The following TBX15 variants were observed in gnomAD, a reference collection of about 807,000 sequenced individuals.
The protein encoded by TBX15 is T-box transcription factor 15, also known as T-box transcription factor TBX15.
TBX15 carries 18 observed loss-of-function variants against 53.9 expected under a neutral mutation model. The ratio of observed to expected loss-of-function variants is 0.33; its 90% CI spans 0.23 to 0.49. The LOEUF (loss-of-function observed/expected upper bound fraction) is 0.49, where lower values mean the gene tolerates loss of function less well. Ranked by LOEUF, TBX15 falls within the 20% of genes least tolerant of loss-of-function variation. The pLI is 0.98. For synonymous variants in TBX15, 295 were observed against 278.0 expected (o/e 1.06, Z -0.61); for missense variants, 692 against 749.5 (o/e 0.92, Z 0.90).
At chr1:118,956,152 C>A (rs1009460929) in intron 1 of TBX15, among the ~76,000 whole-genome samples, 7 of 152,168 alleles carry the variant, frequency 4.6e-5, no homozygotes, top group African/African-American at 1.4e-4. Context: ...TGATCTTGGA[C>A]TTCCCAGCCT....
At position 118,963,593 on chromosome 1, in the gene TBX15, G is replaced by T. The variant is rs146459089; in HGVS notation, c.205+23998C>A. 1.5e-3 allele frequency among the ~76,000 whole-genome samples: 230 copies of T among 152,336 alleles called. 1 individual carries two copies. The highest frequency in any genetic ancestry group is 5.2e-3 in the African/African-American group (218 of 41,568). Reference sequence around the variant, plus strand: ...TTCCCTAGCCATGGCAATATTGGAAGCCATGTGTTGAGATGGTGGAACTAT... The same window carrying T: ...TTCCCTAGCCATGGCAATATTGGAATCCATGTGTTGAGATGGTGGAACTAT... On this transcript the variant is annotated intron_variant, in intron 1 of 7. Coordinates refer to ENST00000369429, the MANE Select transcript of TBX15 (RefSeq NM_001330677.2).
intron 1 of TBX15, among the ~76,000 whole-genome samples, chr1:118,967,198 GA>G (rs1364083839): frequency 2.6e-5 from 4 of 152,110 alleles, no homozygotes; most frequent in Non-Finnish European, 5.9e-5. Context: ...TACCACAAGA[GA>G]AAAAGAAAAG....
intron 1 of TBX15, among the ~76,000 whole-genome samples, chr1:118,937,177 G>T (rs965625964): frequency 1.3e-5 from 2 of 152,120 alleles, no homozygotes; most frequent in Non-Finnish European, 2.9e-5. Context: ...CAGGTAGTGG[G>T]AATAACAGTG....
At chr1:118,986,217 C>T (rs927209274) in intron 1 of TBX15, among the ~76,000 whole-genome samples, 23 of 152,214 alleles carry the variant, frequency 1.5e-4, no homozygotes, top group African/African-American at 5.1e-4. Context: ...GAAATAGGGT[C>T]TGGCCAGCGA....
chr1:118,907,271 A>G (rs1034003228), intron 6 of TBX15, among the ~76,000 whole-genome samples: 7 of 152,182 alleles, frequency 4.6e-5, no homozygotes, highest in Admixed American at 3.3e-4. Flanking sequence ...AAGGTCACAG[A>G]CAGGATGAAG....
intron 1 of TBX15, among the ~76,000 whole-genome samples, chr1:118,968,336 T>C (rs373508949): frequency 2.0e-5 from 3 of 152,156 alleles, no homozygotes; most frequent in African/African-American, 7.2e-5. Flanking sequence ...TGCCTCAGTC[T>C]CCAGAGTAGC....
chr1:118,942,697 C>T (rs766316015), intron 1 of TBX15, among the ~76,000 whole-genome samples: 60 of 152,152 alleles, frequency 3.9e-4, no homozygotes, highest in Admixed American at 9.2e-4. Context: ...CAACTGAGTT[C>T]AAAGAGTTCA....
At chr1:118,985,427 C>T (rs192311272) in intron 1 of TBX15, among the ~76,000 whole-genome samples, 192 of 152,364 alleles carry the variant, frequency 1.3e-3, no homozygotes, top group African/African-American at 4.5e-3. Flanking sequence ...CTGGAGCCGA[C>T]AGCTCCACCT....
rs930881473 is a variant in TBX15 at position 118,883,694 on chromosome 1, C to T, written c.*1038G>A. ...AGCACTTCCCACGTAGTGCACCTCT[C>T]TTCTGGATCACAGTGGTCAAAGCTG... On this transcript the variant is annotated 3_prime_UTR_variant, in exon 8 of 8. Transcript: ENST00000369429. The T allele has an allele frequency of 1.3e-5, 2 of 152,290 alleles. No homozygotes were observed. The highest frequency in any genetic ancestry group is 4.8e-5 in the African/African-American group (2 of 41,466). 9.4% of individuals were successfully genotyped at this position (152,290 alleles called of 1,614,324 possible). A position where few individuals can be genotyped will look rare whatever the true frequency, so the allele number is the denominator to read the frequency against.
chr1:118,911,485 A>G (rs1655023760), intron 6 of TBX15, among the ~76,000 whole-genome samples: 1 of 152,226 alleles, frequency 6.6e-6, no homozygotes, highest in Non-Finnish European at 1.5e-5. Flanking sequence ...GCAGTAAGAC[A>G]GTCACCAGCC....
intron 1 of TBX15, among the ~76,000 whole-genome samples, chr1:118,980,728 A>G (rs1388312682): frequency 6.6e-6 from 1 of 152,226 alleles, no homozygotes; most frequent in African/African-American, 2.4e-5. Context: ...ATTAATACAA[A>G]TTACAAAATT....
rs558515211 is a variant in TBX15 at position 118,913,139 on chromosome 1, G to A, written c.926+976C>T. ...TTTCACAAAATGGTTTGAAATAAAA[G>A]TTTTTGGTTTATTTGAAAATTCTTA... is the stretch of plus-strand genomic sequence containing the variant. On this transcript the variant is annotated intron_variant, in intron 6 of 7. Transcript: ENST00000369429. 3.3e-5 allele frequency among the ~76,000 whole-genome samples: 5 copies of A among 152,032 alleles called. 1 individual carries two copies. In the South Asian group the frequency reaches 1.0e-3, roughly 32 times the overall value.
intron 1 of TBX15, among the ~76,000 whole-genome samples, chr1:118,954,989 G>T (rs564222996): frequency 1.3e-5 from 2 of 152,130 alleles, no homozygotes; most frequent in Non-Finnish European, 2.9e-5. Flanking sequence ...TCAGGCCCAA[G>T]AGTGAGACCC....
intron 5 of TBX15, among the ~76,000 whole-genome samples, chr1:118,919,105 T>A (rs1437033081): frequency 6.6e-6 from 1 of 152,218 alleles, no homozygotes; most frequent in Non-Finnish European, 1.5e-5. Context: ...CAACTTCCTA[T>A]CTGGTTCATG....
chr1:118,957,190 A>T (rs567791883), intron 1 of TBX15, among the ~76,000 whole-genome samples: 2 of 152,388 alleles, frequency 1.3e-5, no homozygotes, highest in African/African-American at 4.8e-5. Flanking sequence ...AATGAAAAAA[A>T]TTGAGCATTG....
intron 1 of TBX15, among the ~76,000 whole-genome samples, chr1:118,956,494 T>C (rs1268668070): frequency 6.6e-6 from 1 of 152,224 alleles, no homozygotes; most frequent in Non-Finnish European, 1.5e-5. Context: ...AGGGTATACA[T>C]GAAGGAGTTC....
At chr1:118,915,876 G>A (rs1655202872) in intron 5 of TBX15, among the ~76,000 whole-genome samples, 1 of 152,140 alleles carries the variant, frequency 6.6e-6, no homozygotes, top group Non-Finnish European at 1.5e-5. Context: ...ATGGGCCCGG[G>A]GGAAATGGTT....
rs548279716 is a variant in TBX15, at chr1:118,914,261, C to CT, written c.862-83dup. ...TACTCCTAGAAAATTACAAAAATCA[C>CT]TTTTTTAATAACAGTTGTTGCTTTT... On this transcript the variant is annotated intron_variant, in intron 5 of 7. Coordinates refer to ENST00000369429, the MANE Select transcript of TBX15 (RefSeq NM_001330677.2). 9.7e-5 allele frequency: 123 copies of CT among 1,271,790 alleles called. 4 individuals carry two copies. The South Asian group carries it at 1.5e-3, about 15-fold the overall frequency. 78.8% of individuals were successfully genotyped at this position (1,271,790 alleles called of 1,614,324 possible).
At chr1:118,912,670 T>G (rs1655062387) in intron 6 of TBX15, among the ~76,000 whole-genome samples, 1 of 152,202 alleles carries the variant, frequency 6.6e-6, no homozygotes, top group Admixed American at 6.5e-5. Context: ...TCTGCTGACC[T>G]GGACATGTAA....
Sources: gnomAD v4.1 joint callset for allele counts (sites outside exome capture counted in the v4.1 genomes callset) on GRCh38, gnomAD v4.1.1 for gene constraint, MANE v1.5 for transcripts, NCBI Gene and HGNC (gene_info 2026-07-23, HGNC 2026-07-21) for gene names.